The following ZMYND11 variants were observed in gnomAD, a reference collection of about 807,000 sequenced individuals.
ZMYND11 encodes zinc finger MYND domain-containing protein 11.
In ZMYND11, 9 loss-of-function variants were observed where a neutral mutation model predicts 84.9. That is an observed-to-expected ratio of 0.11 (90% CI 0.06 to 0.18). The LOEUF (loss-of-function observed/expected upper bound fraction) is 0.18, where lower values mean the gene tolerates loss of function less well. Among genes scored for constraint, ZMYND11 ranks in the 10% least tolerant of loss-of-function variants. The pLI is 1.00. For synonymous variants in ZMYND11, 250 were observed against 244.1 expected (o/e 1.02, Z -0.23); for missense variants, 409 against 761.0 (o/e 0.54, Z 5.44).
At chr10:178,965 A>G (rs1588686172) in intron 1 of ZMYND11, among the ~76,000 whole-genome samples, 1 of 152,192 alleles carries the variant, frequency 6.6e-6, no homozygotes, top group Non-Finnish European at 1.5e-5. Context: ...GAACACAGCA[A>G]AGTGCTTCCC....
At chr10:160,725 C>T (rs1842760420) in intron 1 of ZMYND11, among the ~76,000 whole-genome samples, 2 of 152,170 alleles carry the variant, frequency 1.3e-5, no homozygotes, top group Admixed American at 1.3e-4. Context: ...CAAGAAACTA[C>T]TTTCTTTGCT....
intron 1 of ZMYND11, chr10:148,299 C>A (rs112414220): frequency 7.8e-6 from 1 of 127,686 alleles, no homozygotes; most frequent in Non-Finnish European, 1.7e-5. Context: ...GGAAGAAGTC[C>A]TAACTTCCTT....
intron 1 of ZMYND11, among the ~76,000 whole-genome samples, chr10:177,319 C>T (rs1263910989): frequency 6.6e-6 from 1 of 152,102 alleles, no homozygotes; most frequent in African/African-American, 2.4e-5. Context: ...TTGTCTTTCC[C>T]TGGCATTTTT....
intron 11 of ZMYND11, 70 bp downstream of exon 11, chr10:247,043 C>T (rs1051373300): frequency 3.6e-6 from 5 of 1,406,204 alleles, no homozygotes; most frequent in East Asian, 2.5e-5. Context: ...AGTGCACACT[C>T]CTCACTGTAA....
intron 2 of ZMYND11, among the ~76,000 whole-genome samples, chr10:186,631 C>T (rs554243677): frequency 1.3e-3 from 163 of 121,446 alleles, no homozygotes; most frequent in African/African-American, 4.7e-3. Context: ...GGGAACAGAG[C>T]AGGACTCTCT....
chr10:234,631 A>G (rs973187054), intron 4 of ZMYND11, among the ~76,000 whole-genome samples: 3 of 152,352 alleles, frequency 2.0e-5, no homozygotes, highest in Non-Finnish European at 4.4e-5. Flanking sequence ...ATCAGTTTTA[A>G]TAGTGCACCC....
At chr10:247,747 T>C (rs1047499190) in intron 12 of ZMYND11, among the ~76,000 whole-genome samples, 1 of 152,226 alleles carries the variant, frequency 6.6e-6, no homozygotes, top group Non-Finnish European at 1.5e-5. Flanking sequence ...TTGCTATTAA[T>C]ACATTTCCTG....
chr10:192,037 A>T (rs150792783), intron 2 of ZMYND11, among the ~76,000 whole-genome samples: 1 of 152,366 alleles, frequency 6.6e-6, no homozygotes, highest in Non-Finnish European at 1.5e-5. Flanking sequence ...CTTCATAGAT[A>T]TGCAAATCGA....
At chr10:229,040 C>T (rs1948574062) in intron 4 of ZMYND11, among the ~76,000 whole-genome samples, 1 of 152,120 alleles carries the variant, frequency 6.6e-6, no homozygotes, top group Non-Finnish European at 1.5e-5. Flanking sequence ...TTGAGAGATG[C>T]TTTCATAGTT....
intron 1 of ZMYND11, among the ~76,000 whole-genome samples, chr10:173,972 C>T (rs556608251): frequency 2.0e-5 from 3 of 152,048 alleles, no homozygotes; most frequent in Non-Finnish European, 2.9e-5. Flanking sequence ...CAAAATGGTC[C>T]GGTCACTTGG....
At chr10:144,640 CTTTTT>C (rs11348115) in intron 1 of ZMYND11, among the ~76,000 whole-genome samples, 1 of 110,062 alleles carries the variant, frequency 9.1e-6, no homozygotes, top group African/African-American at 3.4e-5. Flanking sequence ...GTCTGAATTC[CTTTTT>C]TTTTTTTTTT....
intron 2 of ZMYND11, among the ~76,000 whole-genome samples, chr10:203,221 G>A (rs1328652564): frequency 6.6e-6 from 1 of 152,048 alleles, no homozygotes; most frequent in African/African-American, 2.4e-5. Flanking sequence ...GTCCTAATCA[G>A]CTTGATGAGA....
intron 1 of ZMYND11, chr10:147,702 AAC>A (rs1323640720): frequency 4.0e-5 from 6 of 151,034 alleles, no homozygotes; most frequent in South Asian, 2.1e-4. Context: ...GGATTCCTCA[AAC>A]ACGCTACTGT....
rs140445687 is a variant in ZMYND11, at chr10:172,357, A to G, written c.-19-7637A>G. ...CATGATCATTTATATAGCAAATCCA[A>G]AAGAATTAACAAAAACACCCTGGAA... On this transcript the variant is annotated intron_variant, in intron 1 of 14. Transcript: ENST00000381604. Among the ~76,000 whole-genome samples the G allele has an allele frequency of 3.5e-3, 529 of 152,348 alleles. 3 individuals are homozygous for G. Among genetic ancestry groups the G allele is most frequent in the African/African-American group, 0.012 (507 of 41,576 alleles).
intron 1 of ZMYND11, among the ~76,000 whole-genome samples, chr10:141,143 TAC>T (rs1250363800): frequency 1.3e-5 from 2 of 152,236 alleles, no homozygotes; most frequent in African/African-American, 4.8e-5. Flanking sequence ...AAACTAGTTT[TAC>T]ATCAGTGTGT....
At chr10:130,539 T>C (rs1443566487), upstream of ZMYND11, among the ~76,000 whole-genome samples, 8 of 152,228 alleles carry the variant, frequency 5.3e-5, no homozygotes, top group African/African-American at 1.4e-4. Flanking sequence ...TAATTTTACA[T>C]GCATTTTCTC....
chr10:153,309 T>C (rs1564277174), intron 1 of ZMYND11, among the ~76,000 whole-genome samples: 1 of 152,204 alleles, frequency 6.6e-6, no homozygotes, highest in Non-Finnish European at 1.5e-5. Context: ...GAATAACCAA[T>C]TAAAATGAAT....
intron 2 of ZMYND11, among the ~76,000 whole-genome samples, chr10:182,371 C>CT (rs972839309): frequency 8.5e-5 from 13 of 152,282 alleles, no homozygotes; most frequent in African/African-American, 3.1e-4. Context: ...TCTCTCCTTT[C>CT]TTCATCAGCA....
chr10:210,949 G>A (rs1391315783), intron 3 of ZMYND11, among the ~76,000 whole-genome samples: 4 of 152,022 alleles, frequency 2.6e-5, no homozygotes, highest in East Asian at 3.9e-4. Context: ...GATCACTTGA[G>A]CCCAGGAGTT....
Sources: gnomAD v4.1 joint callset for allele counts (sites outside exome capture counted in the v4.1 genomes callset) on GRCh38, gnomAD v4.1.1 for gene constraint, MANE v1.5 for transcripts, NCBI Gene and HGNC (gene_info 2026-07-23, HGNC 2026-07-21) for gene names.